The following EGR1 variants were observed in gnomAD, a reference collection of about 807,000 sequenced individuals.
EGR1 encodes the protein early growth response 1.
In EGR1, 8 loss-of-function variants were observed where a neutral mutation model predicts 30.2. The ratio of observed to expected loss-of-function variants is 0.26; its 90% confidence interval spans 0.16 to 0.48. EGR1 has a LOEUF of 0.48. EGR1 is among the 20% of genes least tolerant of loss of function. The pLI, the probability that EGR1 is intolerant of heterozygous loss-of-function variation, is 0.99. For synonymous variants in EGR1, 334 were observed against 312.8 expected, an observed-to-expected ratio of 1.07 and a Z score of -0.72; for missense variants, 568 against 732.3, an observed-to-expected ratio of 0.78 and a Z score of 2.59.
In EGR1 at chr5:138,465,978, G is replaced by A. The variant is rs749738681; in HGVS notation, c.217G>A (p.Gly73Ser). 2 of 1,610,290 alleles carry A rather than the reference G, an allele frequency of 1.2e-6. No individual in the cohort carries two copies. The highest frequency in any genetic ancestry group is 1.1e-5 in the South Asian group (1 of 90,878). ...SSSSSGGGGG[G>S]GGGSNSSSSS... ...CAGCAGCAGCGGGGGCGGTGGAGGC[G>A]GCGGGGGCGGCAGCAACAGCAGCAG... Residue 73 changes from glycine to serine, a missense_variant, in exon 1 of 2, where the codon GGC becomes AGC. Gly to Ser is a moderately conservative substitution (Grantham distance 56, BLOSUM62 0). This residue lies in a region of EGR1 where 415 missense variants were observed against 445.2 expected (regional missense o/e 0.93). Coordinates refer to ENST00000239938, the MANE Select transcript of EGR1 (RefSeq NM_001964.3).
In EGR1 at chr5:138,466,884, T is replaced by C. The variant is rs28365164; in HGVS notation, c.435T>C (p.Ser145=). 1 of 1,613,996 alleles carries C rather than the reference T, an allele frequency of 6.2e-7. No homozygotes were observed. Among genetic ancestry groups the C allele is most frequent in the African/African-American group, 1.3e-5 (1 of 74,962 alleles). Reference sequence around the variant, plus strand: ...TTTCCCTGGAGCCTGCACCCAACAGTGGCAACACCTTGTGGCCCGAGCCCC... The same window carrying C: ...TTTCCCTGGAGCCTGCACCCAACAGCGGCAACACCTTGTGGCCCGAGCCCC... ...GRFSLEPAPN[S]GNTLWPEPLF... is the part of the protein sequence containing the mutation. The change falls in exon 2 of 2, where the codon AGT becomes AGC. Residue 145 remains serine (S), a synonymous_variant. Transcript: ENST00000239938.
Position 138,467,479 on chromosome 5 carries a change from T to G in EGR1, c.1030T>G (p.Ser344Ala), listed in dbSNP as rs745631772. The G allele has an allele frequency of 4.3e-6, 7 of 1,612,358 alleles. 1 individual carries two copies. In the South Asian group the frequency reaches 7.7e-5, roughly 18 times the overall value. ...ACGCCCTTACGCTTGCCCAGTGGAGTCCTGTGATCGCCGCTTCTCCCGCTC... is the reference window on the plus strand; with the variant it reads ...ACGCCCTTACGCTTGCCCAGTGGAGGCCTGTGATCGCCGCTTCTCCCGCTC... Reference protein sequence around the residue: ...HERPYACPVESCDRRFSRSDE... With the variant: ...HERPYACPVEACDRRFSRSDE... Residue 344 changes from serine to alanine, a missense_variant, in exon 2 of 2, where the codon TCC becomes GCC. Physicochemically the swap from Ser to Ala is moderately conservative, Grantham distance 99 (BLOSUM62 1). Around this residue, in one of 4 missense-constraint regions of EGR1, gnomAD observed 18 missense variants for 27.7 expected, o/e 0.65. Transcript: ENST00000239938. This position sits in a 1 kb window ranked among gnomAD's most constrained non-coding sequence, Gnocchi z 8.3.
chr5:138,465,693 C>A lies in EGR1; in HGVS notation c.-69C>A. On this transcript the variant is annotated 5_prime_UTR_variant, in exon 1 of 2. Transcript: ENST00000239938. ...CCCGGCCAGGCCCCCGCAACTGTGT[C>A]CCCTGCAGCTCCAGCCCCGGGCTGC... 2 of 1,167,156 alleles carry A rather than the reference C, an allele frequency of 1.7e-6. No homozygotes were observed. Among genetic ancestry groups the A allele is most frequent in the South Asian group, 1.6e-5 (1 of 64,494 alleles). The allele number at this position is 1,167,156 out of a possible 1,614,324, so 72.3% of individuals were successfully genotyped here.
At position 138,468,081 on chromosome 5, in the gene EGR1, A is replaced by C; in HGVS notation, c.1632A>C (p.Ter544TyrextTer33). 1.3e-6 allele frequency: 2 copies of C among 1,557,498 alleles called. No individual in the cohort carries two copies. Among genetic ancestry groups the C allele is most frequent in the Non-Finnish European group, 1.7e-6 (2 of 1,152,752 alleles). ...TFSPRTIEIC[*>Y] is the part of the protein sequence containing the mutation. Reference sequence around the variant, plus strand: ...CTCCCAGGACAATTGAAATTTGCTAAAGGGAAAGGGGAAAGAAAGGGAAAA... The same window carrying C: ...CTCCCAGGACAATTGAAATTTGCTACAGGGAAAGGGGAAAGAAAGGGAAAA... The change falls in exon 2 of 2, where the codon TAA (stop) becomes TAC (tyrosine). Residue 544 changes from the stop codon to tyrosine, a stop_lost. Coordinates refer to ENST00000239938, the MANE Select transcript of EGR1 (RefSeq NM_001964.3).
rs763472845 is a variant in EGR1 at position 138,466,562 on chromosome 5, G to T, written c.308-195G>T. Among the ~76,000 whole-genome samples the T allele has an allele frequency of 1.2e-4, 18 of 152,254 alleles. No individual in the cohort carries two copies. Among genetic ancestry groups the T allele is most frequent in the Non-Finnish European group, 1.9e-4 (13 of 68,038 alleles). On this transcript the variant is annotated intron_variant, in intron 1 of 1. Transcript: ENST00000239938. ...CAGTGGAGGGGGATTCTCCGTATTT[G>T]CGTCAGCTGTTGTTGAAATGGGCTC...
At chr5:138,466,509 A>G (rs964831297) in intron 1 of EGR1, among the ~76,000 whole-genome samples, 3 of 152,244 alleles carry the variant, frequency 2.0e-5, no homozygotes, top group Non-Finnish European at 4.4e-5. Context: ...TCGCCCGCAC[A>G]GCCGCCGCTG....
Position 138,467,505 on chromosome 5 carries a change from C to G in EGR1, c.1056C>G (p.Ser352=), listed in dbSNP as rs868466315. 1.2e-6 allele frequency: 2 copies of G among 1,611,526 alleles called. No individual in the cohort carries two copies. Among genetic ancestry groups the G allele is most frequent in the African/African-American group, 1.3e-5 (1 of 74,966 alleles). The change falls in exon 2 of 2, where the codon TCC becomes TCG. Residue 352 remains serine (S), a synonymous_variant. Coordinates refer to ENST00000239938, the MANE Select transcript of EGR1 (RefSeq NM_001964.3). The surrounding 1 kb of genome is among the most constrained non-coding windows in gnomAD (Gnocchi z 8.3). The part of the protein sequence containing the change: ...VESCDRRFSR[S]DELTRHIRIH... ...CCTGTGATCGCCGCTTCTCCCGCTCCGACGAGCTCACCCGCCACATCCGCA... is the reference window on the plus strand; with the variant it reads ...CCTGTGATCGCCGCTTCTCCCGCTCGGACGAGCTCACCCGCCACATCCGCA...
Position 138,465,718 on chromosome 5 carries a change from C to T in EGR1, c.-44C>T. ...CCCCTGCAGCTCCAGCCCCGGGCTG[C>T]ACCCCCCCGCCCCGACACCAGCTCT... On this transcript the variant is annotated 5_prime_UTR_variant, in exon 1 of 2. Coordinates refer to ENST00000239938, the MANE Select transcript of EGR1 (RefSeq NM_001964.3). The T allele has an allele frequency of 2.6e-6, 4 of 1,512,888 alleles. No homozygotes were observed. The highest frequency in any genetic ancestry group is 2.7e-6 in the Non-Finnish European group (3 of 1,128,526). The allele number at this position is 1,512,888 out of a possible 1,614,324, so 93.7% of individuals were successfully genotyped here. A position where few individuals can be genotyped will look rare whatever the true frequency, so the allele number is the denominator to read the frequency against.
chr5:138,467,901 C>G lies in EGR1; in HGVS notation c.1452C>G (p.Ser484=), dbSNP rs1432890850. The change falls in exon 2 of 2, where the codon TCC becomes TCG. Residue 484 remains serine, a synonymous_variant. Coordinates refer to ENST00000239938, the MANE Select transcript of EGR1 (RefSeq NM_001964.3). The surrounding 1 kb of genome is among the most constrained non-coding windows in gnomAD (Gnocchi z 8.3). The part of the protein sequence containing the change: ...FSSPGSSTYP[S]PVHSGFPSPS... ...CTCCCGGCTCCTCGACCTACCCATC[C>G]CCTGTGCACAGTGGCTTCCCCTCCC... is the stretch of plus-strand genomic sequence containing the variant. 2 of 1,613,504 alleles carry G rather than the reference C, an allele frequency of 1.2e-6. No individual in the cohort carries two copies. The highest frequency in any genetic ancestry group is 2.2e-5 in the East Asian group (1 of 44,850).
chr5:138,467,667 C>T lies in EGR1; in HGVS notation c.1218C>T (p.Ala406=). Residue 406 remains alanine, a synonymous_variant, in exon 2 of 2, where the codon GCC becomes GCT. Transcript: ENST00000239938. The surrounding 1 kb of genome is among the most constrained non-coding windows in gnomAD (Gnocchi z 8.3). ...FACDICGRKF[A]RSDERKRHTK... ...GCGACATCTGTGGAAGAAAGTTTGC[C>T]AGGAGCGATGAACGCAAGAGGCATA... 6.2e-7 allele frequency: 1 copy of T among 1,614,198 alleles called. No homozygotes were observed. The highest frequency in any genetic ancestry group is 8.5e-7 in the Non-Finnish European group (1 of 1,180,042).
Position 138,467,932 on chromosome 5 carries a change from G to C in EGR1, c.1483G>C (p.Val495Leu). 6.2e-7 allele frequency: 1 copy of C among 1,613,588 alleles called. No homozygotes were observed. The highest frequency in any genetic ancestry group is 8.5e-7 in the Non-Finnish European group (1 of 1,179,652). ...PVHSGFPSPS[V>L]ATTYSSVPPA... Reference sequence around the variant, plus strand: ...GCACAGTGGCTTCCCCTCCCCGTCGGTGGCCACCACGTACTCCTCTGTTCC... The same window carrying C: ...GCACAGTGGCTTCCCCTCCCCGTCGCTGGCCACCACGTACTCCTCTGTTCC... Residue 495 changes from valine (V) to leucine (L), a missense_variant, in exon 2 of 2, where the codon GTG (valine) becomes CTG (leucine). By Grantham distance (32) the Val-to-Leu change is conservative (BLOSUM62 1). This residue lies in a region of EGR1 where 118 missense variants were observed against 161.6 expected (regional missense o/e 0.73). Coordinates refer to ENST00000239938, the MANE Select transcript of EGR1 (RefSeq NM_001964.3). This position sits in a 1 kb window ranked among gnomAD's most constrained non-coding sequence, Gnocchi z 8.3.
chr5:138,466,893 C>T lies in EGR1; in HGVS notation c.444C>T (p.Thr148=), dbSNP rs763911607. 2 of 1,614,106 alleles carry T rather than the reference C, an allele frequency of 1.2e-6. No homozygotes were observed. Among genetic ancestry groups the T allele is most frequent in the Admixed American group, 1.7e-5 (1 of 60,014 alleles). The change falls in exon 2 of 2, where the codon ACC becomes ACT. Residue 148 remains threonine (T), a synonymous_variant. Coordinates refer to ENST00000239938, the MANE Select transcript of EGR1 (RefSeq NM_001964.3). ...AGCCTGCACCCAACAGTGGCAACAC[C>T]TTGTGGCCCGAGCCCCTCTTCAGCT... ...SLEPAPNSGN[T]LWPEPLFSLV...
chr5:138,465,716 T>TGC lies in EGR1; in HGVS notation c.-45_-44dup. On this transcript the variant is annotated 5_prime_UTR_variant, in exon 1 of 2. Transcript: ENST00000239938. ...GTCCCCTGCAGCTCCAGCCCCGGGCTGCACCCCCCCGCCCCGACACCAGCT... is the reference window on the plus strand; with the variant it reads ...GTCCCCTGCAGCTCCAGCCCCGGGCTGCGCACCCCCCCGCCCCGACACCAGCT... 7.0e-7 allele frequency: 1 copy of TGC among 1,436,436 alleles called. No individual in the cohort carries two copies. Among genetic ancestry groups the TGC allele is most frequent in the Non-Finnish European group, 9.4e-7 (1 of 1,062,462 alleles). 89.0% of individuals were successfully genotyped at this position (1,436,436 alleles called of 1,614,324 possible). A position where few individuals can be genotyped will look rare whatever the true frequency, so the allele number is the denominator to read the frequency against.
intron 1 of EGR1, 45 bp from the exon 2 acceptor site, chr5:138,466,712 T>C (rs1343945306): frequency 2.5e-6 from 4 of 1,569,258 alleles, no homozygotes; most frequent in South Asian, 1.2e-5. Context: ...CCTCCAGTGA[T>C]TGCTTTCCAG....
intron 1 of EGR1, 46 bp from the exon 2 acceptor site, chr5:138,466,711 A>T: frequency 6.4e-7 from 1 of 1,567,552 alleles, no homozygotes; most frequent in Non-Finnish European, 8.7e-7. Flanking sequence ...TCCTCCAGTG[A>T]TTGCTTTCCA....
In EGR1 at chr5:138,467,715, G is replaced by T; in HGVS notation, c.1266G>T (p.Lys422Asn). 6.2e-7 allele frequency: 1 copy of T among 1,614,218 alleles called. No individual in the cohort carries two copies. Residue 422 changes from lysine (K) to asparagine (N), a missense_variant, in exon 2 of 2, where the codon AAG becomes AAT. This residue lies in a region of EGR1 where 118 missense variants were observed against 161.6 expected (regional missense o/e 0.73). Coordinates refer to ENST00000239938, the MANE Select transcript of EGR1 (RefSeq NM_001964.3). This position sits in a 1 kb window ranked among gnomAD's most constrained non-coding sequence, Gnocchi z 8.3. Reference sequence around the variant, plus strand: ...ATACCAAGATCCACTTGCGGCAGAAGGACAAGAAAGCAGACAAAAGTGTTG... The same window carrying T: ...ATACCAAGATCCACTTGCGGCAGAATGACAAGAAAGCAGACAAAAGTGTTG... Reference protein sequence around the residue: ...KRHTKIHLRQKDKKADKSVVA... With the variant: ...KRHTKIHLRQNDKKADKSVVA...
In EGR1 at chr5:138,465,884, G is replaced by T; in HGVS notation, c.123G>T (p.Leu41=). 6.2e-7 allele frequency: 1 copy of T among 1,613,974 alleles called. No homozygotes were observed. The highest frequency in any genetic ancestry group is 8.5e-7 in the Non-Finnish European group (1 of 1,179,866). Residue 41 remains leucine (L), a synonymous_variant, in exon 1 of 2, where the codon CTG becomes CTT. Transcript: ENST00000239938. ...CTAAGCTGGAGGAGATGATGCTGCT[G>T]AGCAACGGGGCTCCCCAGTTCCTCG... The part of the protein sequence containing the change: ...NYPKLEEMML[L]SNGAPQFLGA...
In EGR1 at chr5:138,469,211, G is replaced by A. The variant is rs1764197078; in HGVS notation, c.*1130G>A. 6.6e-6 allele frequency: 1 copy of A among 152,144 alleles called. No individual in the cohort carries two copies. The highest frequency in any genetic ancestry group is 2.4e-5 in the African/African-American group (1 of 41,420). 9.4% of individuals were successfully genotyped at this position (152,144 alleles called of 1,614,324 possible). On this transcript the variant is annotated 3_prime_UTR_variant, in exon 2 of 2. Transcript: ENST00000239938. ...GTACTTGTGTTTGCTTAAACAAAGTGACTGTTTGGCTTATAAACACATTGA... is the reference window on the plus strand; with the variant it reads ...GTACTTGTGTTTGCTTAAACAAAGTAACTGTTTGGCTTATAAACACATTGA...
Position 138,468,139 on chromosome 5 carries a change from C to G in EGR1, c.*58C>G. The G allele has an allele frequency of 6.5e-7, 1 of 1,534,714 alleles. No individual in the cohort carries two copies. Among genetic ancestry groups the G allele is most frequent in the Non-Finnish European group, 8.8e-7 (1 of 1,142,430 alleles). On this transcript the variant is annotated 3_prime_UTR_variant, in exon 2 of 2. Transcript: ENST00000239938. ...AAAGAAACACAAGAGACTTAAAGGA[C>G]AGGAGGAGGAGATGGCCATAGGAGA...
Sources: allele counts gnomAD v4.1 joint callset (sites outside exome capture counted in the v4.1 genomes callset), GRCh38; gene constraint gnomAD v4.1.1; regional missense constraint gnomAD v4.1.1; non-coding constraint Gnocchi (gnomAD v3.1); transcripts MANE v1.5; gene names NCBI Gene and HGNC (gene_info 2026-07-23, HGNC 2026-07-21).